The following XYLT1 variants were observed in gnomAD, a reference collection of about 807,000 sequenced individuals.
XYLT1 encodes the protein xylosyltransferase 1, also known as beta-D-xylosyltransferase 1.
Under a neutral mutation model 91.3 loss-of-function variants are expected in XYLT1, and 36 were observed. The ratio of observed to expected loss-of-function variants is 0.39; its 90% CI spans 0.30 to 0.52. XYLT1 has a LOEUF of 0.52. XYLT1 is among the 20% of genes least tolerant of loss of function. XYLT1 has a pLI of 0.68. For synonymous variants in XYLT1, 588 were observed against 532.0 expected, an observed-to-expected ratio of 1.11 and a Z score of -1.45; for missense variants, 1,242 against 1,284.5, an observed-to-expected ratio of 0.97 and a Z score of 0.51.
chr16:17,440,548 G>T (rs1001461366), intron 1 of XYLT1, among the ~76,000 whole-genome samples: 3 of 152,184 alleles, frequency 2.0e-5, no homozygotes, highest in Non-Finnish European at 4.4e-5. Flanking sequence ...GAGGCCTGTG[G>T]ACCTGAGTTC....
chr16:17,289,007 C>T (rs956934949), intron 2 of XYLT1, among the ~76,000 whole-genome samples: 6 of 152,142 alleles, frequency 3.9e-5, no homozygotes, highest in Non-Finnish European at 8.8e-5. Flanking sequence ...TAAGGCAACC[C>T]AGCTGATAAG....
At chr16:17,362,786 C>T (rs1305633520) in intron 1 of XYLT1, among the ~76,000 whole-genome samples, 1 of 152,210 alleles carries the variant, frequency 6.6e-6, no homozygotes, top group Non-Finnish European at 1.5e-5. Context: ...ATTCAGAAGA[C>T]AGTGCTTGTT....
At chr16:17,192,060 C>G (rs2141580431) in intron 5 of XYLT1, among the ~76,000 whole-genome samples, 1 of 149,472 alleles carries the variant, frequency 6.7e-6, no homozygotes, top group Non-Finnish European at 1.5e-5. Flanking sequence ...TAGGAAAAGA[C>G]ACAGTGTGAG....
At chr16:17,111,171 T>A (rs1348662226) in intron 11 of XYLT1, among the ~76,000 whole-genome samples, 3 of 151,982 alleles carry the variant, frequency 2.0e-5, no homozygotes, top group South Asian at 4.2e-4. Flanking sequence ...AAAAAAAATT[T>A]TAAAAATTGC....
chr16:17,335,410 C>G (rs1337236505), intron 2 of XYLT1, among the ~76,000 whole-genome samples: 1 of 151,986 alleles, frequency 6.6e-6, no homozygotes, highest in East Asian at 1.9e-4. Context: ...GAAGCCTTCC[C>G]ATTTTAAAAT....
chr16:17,130,368 G>A (rs2030423979), intron 9 of XYLT1, among the ~76,000 whole-genome samples: 2 of 152,324 alleles, frequency 1.3e-5, no homozygotes, highest in South Asian at 4.1e-4. Context: ...TCTGTGAGGT[G>A]GGTAAAGCAG....
At chr16:17,369,944 C>T (rs2035508654) in intron 1 of XYLT1, among the ~76,000 whole-genome samples, 1 of 152,140 alleles carries the variant, frequency 6.6e-6, no homozygotes, top group African/African-American at 2.4e-5. Context: ...TGCAAAGGGG[C>T]TCCAAGCCCA....
chr16:17,409,582 C>T (rs1222802850), intron 1 of XYLT1, among the ~76,000 whole-genome samples: 2 of 138,424 alleles, frequency 1.4e-5, no homozygotes. Context: ...TGGAGTCTCA[C>T]TCTGTTGCCA....
intron 3 of XYLT1, among the ~76,000 whole-genome samples, chr16:17,252,985 CCT>C (rs2033565777): frequency 6.6e-6 from 1 of 152,148 alleles, no homozygotes; most frequent in Non-Finnish European, 1.5e-5. Flanking sequence ...TCCCTCCACC[CCT>C]GTCTCCATCT....
intron 1 of XYLT1, among the ~76,000 whole-genome samples, chr16:17,421,357 A>T (rs936359780): frequency 1.6e-4 from 24 of 152,142 alleles, no homozygotes; most frequent in Non-Finnish European, 1.0e-4. Flanking sequence ...CTGCAAGGTG[A>T]CTTTGCCACC....
chr16:17,294,813 C>T (rs1003770302), intron 2 of XYLT1, among the ~76,000 whole-genome samples: 3 of 152,124 alleles, frequency 2.0e-5, no homozygotes, highest in African/African-American at 7.2e-5. Context: ...CAGGTACAAG[C>T]ACCCTTATTC....
chr16:17,422,024 C>T (rs2036256969), intron 1 of XYLT1, among the ~76,000 whole-genome samples: 1 of 151,986 alleles, frequency 6.6e-6, no homozygotes, highest in Non-Finnish European at 1.5e-5. Flanking sequence ...GCTTTGTCAC[C>T]CAGGCTGGAG....
intron 1 of XYLT1, among the ~76,000 whole-genome samples, chr16:17,393,001 C>T (rs1431370721): frequency 2.0e-5 from 3 of 152,192 alleles, no homozygotes; most frequent in Admixed American, 6.5e-5. Flanking sequence ...TGACCTCTCA[C>T]CTCACTCCCT....
intron 5 of XYLT1, among the ~76,000 whole-genome samples, chr16:17,164,280 T>G (rs1455154972): frequency 7.1e-6 from 1 of 141,772 alleles, no homozygotes; most frequent in Non-Finnish European, 1.6e-5. Context: ...GTTTGTGATA[T>G]TTGATGTCAC....
At chr16:17,137,011 A>G (rs111842201) in intron 8 of XYLT1, among the ~76,000 whole-genome samples, 10 of 152,206 alleles carry the variant, frequency 6.6e-5, no homozygotes, top group African/African-American at 2.2e-4. Flanking sequence ...TCAAACAAAC[A>G]TTCCCCTGCA....
rs544828208 is a variant in XYLT1, at chr16:17,339,696, G to A, written c.402+18316C>T. On this transcript the variant is annotated intron_variant, in intron 2 of 11. Transcript: ENST00000261381. ...AGGTGACACTATCCTGCTGTAGACA[G>A]TGAGCTCACTGGTGGCAGGGCACCA... Among the ~76,000 whole-genome samples the A allele has an allele frequency of 4.6e-5, 7 of 152,326 alleles. No individual in the cohort carries two copies. The South Asian group carries it at 1.4e-3, about 32-fold the overall frequency.
rs555918510 is a variant in XYLT1 at position 17,406,520 on chromosome 16, G to A, written c.364-48470C>T. 4.6e-4 allele frequency among the ~76,000 whole-genome samples: 70 copies of A among 152,344 alleles called. 2 individuals are homozygous for A. The South Asian group carries it at 0.013, about 29-fold the overall frequency. On this transcript the variant is annotated intron_variant, in intron 1 of 11. Coordinates refer to ENST00000261381, the MANE Select transcript of XYLT1 (RefSeq NM_022166.4). ...TTGGTTTCCGTCACTCACAGCCAGA[G>A]GAGTCCTGCCTAAGAAATTGGGAAA...
chr16:17,222,071 G>C (rs2032978532), intron 3 of XYLT1, among the ~76,000 whole-genome samples: 1 of 152,186 alleles, frequency 6.6e-6, no homozygotes, highest in Admixed American at 6.5e-5. Flanking sequence ...CCGTCAACTG[G>C]CTTGGCCAAG....
At position 17,117,887 on chromosome 16, in the gene XYLT1, C is replaced by G; in HGVS notation, c.2316G>C (p.Trp772Cys). ...TCACGGTCACATTAGGTCCCTTCCC[C>G]CACTTCTGCATACCCACCGGCTCAT... ...PMDEPVGMQK[W>C]GKGPNVTVTV... The change falls in exon 11 of 12, where the codon TGG (tryptophan) becomes TGC (cysteine). Residue 772 changes from tryptophan (W) to cysteine (C), a missense_variant. This residue lies in a region of XYLT1 where 511 missense variants were observed against 497.0 expected (regional missense o/e 1.03). Transcript: ENST00000261381. 1.9e-6 allele frequency: 3 copies of G among 1,614,104 alleles called. No homozygotes were observed. Among genetic ancestry groups the G allele is most frequent in the Non-Finnish European group, 2.5e-6 (3 of 1,180,032 alleles).
Sources: allele counts gnomAD v4.1 joint callset (sites outside exome capture counted in the v4.1 genomes callset), GRCh38; gene constraint gnomAD v4.1.1; regional missense constraint gnomAD v4.1.1; transcripts MANE v1.5; gene names NCBI Gene and HGNC (gene_info 2026-07-23, HGNC 2026-07-21).